CNTNAP3: variants seen among roughly 807,000 people sequenced by gnomAD.
CNTNAP3 encodes the protein contactin associated protein family member 3.
CNTNAP3 carries 36 observed loss-of-function variants against 92.1 expected under a neutral mutation model. The ratio of observed to expected loss-of-function variants is 0.39; its 90% confidence interval spans 0.30 to 0.52. The LOEUF (loss-of-function observed/expected upper bound fraction) is 0.52, where lower values mean the gene tolerates loss of function less well. Ranked by LOEUF, CNTNAP3 falls within the 20% of genes least tolerant of loss-of-function variation. The probability of loss-of-function intolerance (pLI) is 0.76; values close to 1 mark genes in which losing one functional copy is unlikely to be tolerated. For missense variants in CNTNAP3, 534 were observed against 1,069.6 expected (o/e 0.50, Z 6.98); for synonymous variants, 232 against 422.3 (o/e 0.55, Z 5.53).
intron 15 of CNTNAP3, among the ~76,000 whole-genome samples, chr9:39,108,884 G>C (rs1563880522): frequency 6.6e-6 from 1 of 152,080 alleles, no homozygotes; most frequent in African/African-American, 2.4e-5. Context: ...TCTCATGATT[G>C]TTCTGGAAAA....
At chr9:39,098,789 A>G (rs1826383688) in intron 18 of CNTNAP3, among the ~76,000 whole-genome samples, 4 of 152,162 alleles carry the variant, frequency 2.6e-5, no homozygotes, top group African/African-American at 9.7e-5. Context: ...ACACAATTTT[A>G]TAGTGATTAA....
chr9:39,159,200 C>T, intron 9 of CNTNAP3: 1 of 150,032 alleles, frequency 6.7e-6, no homozygotes, highest in Non-Finnish European at 1.5e-5. Context: ...CATGGATCAG[C>T]CTTCCCATTT....
At chr9:39,136,165 A>AT (rs1821428370) in intron 12 of CNTNAP3, among the ~76,000 whole-genome samples, 14 of 141,824 alleles carry the variant, frequency 9.9e-5, no homozygotes, top group African/African-American at 2.3e-4. Flanking sequence ...AATAATAATA[A>AT]AAATAATAGT....
chr9:39,110,781 A>G (rs1826727295), intron 14 of CNTNAP3, among the ~76,000 whole-genome samples: 1 of 152,222 alleles, frequency 6.6e-6, no homozygotes, highest in Non-Finnish European at 1.5e-5. Flanking sequence ...ATGCATATAT[A>G]ACAAAATGCT....
At chr9:39,118,836 G>C (rs1164352198) in intron 13 of CNTNAP3, among the ~76,000 whole-genome samples, 1 of 152,228 alleles carries the variant, frequency 6.6e-6, no homozygotes, top group Non-Finnish European at 1.5e-5. Context: ...CATCTCTGAG[G>C]TTAGAGATTT....
At chr9:39,249,713 G>T (rs1822803386) in intron 2 of CNTNAP3, among the ~76,000 whole-genome samples, 1 of 15,308 alleles carries the variant, frequency 6.5e-5, no homozygotes, top group African/African-American at 8.0e-5. Context: ...CAGGGGCAAA[G>T]GAGACAGATA....
intron 18 of CNTNAP3, among the ~76,000 whole-genome samples, chr9:39,099,384 T>G (rs937722096): frequency 6.6e-6 from 1 of 152,168 alleles, no homozygotes; most frequent in African/African-American, 2.4e-5. Flanking sequence ...AATATTTAAA[T>G]ATTATTTTCC....
intron 18 of CNTNAP3, among the ~76,000 whole-genome samples, chr9:39,089,734 T>C (rs1191341522): frequency 1.3e-5 from 2 of 152,098 alleles, no homozygotes; most frequent in Non-Finnish European, 2.9e-5. Context: ...TATTATTATC[T>C]TTCTTTTAAA....
chr9:39,120,537 GCGGGAGCCTGTAGTCCCAGCTACT>G (rs1820992642), intron 13 of CNTNAP3, among the ~76,000 whole-genome samples: 1 of 151,968 alleles, frequency 6.6e-6, no homozygotes, highest in South Asian at 2.1e-4. Flanking sequence ...GAGCGTAGTG[GCGGGAGCCTGTAGTCCCAGCTACT>G]CAGGAGGCTG....
At chr9:39,168,209 G>A (rs1347847580) in intron 8 of CNTNAP3, among the ~76,000 whole-genome samples, 1 of 143,982 alleles carries the variant, frequency 6.9e-6, no homozygotes, top group African/African-American at 2.5e-5. Flanking sequence ...AGTAGAGATG[G>A]GGTTTCACCG....
intron 18 of CNTNAP3, among the ~76,000 whole-genome samples, chr9:39,096,245 T>TA (rs1826322695): frequency 1.4e-5 from 2 of 138,466 alleles, no homozygotes; most frequent in African/African-American, 5.2e-5. Context: ...CCTGCACACT[T>TA]ACCTTTATTA....
At chr9:39,085,925 T>C in intron 20 of CNTNAP3, 102 bp from the exon 21 acceptor site, 3 of 1,092,508 alleles carry the variant, frequency 2.7e-6, no homozygotes, top group Non-Finnish European at 4.1e-6. Context: ...ATAAATCACT[T>C]TTAAGTACCA....
chr9:39,148,747 G>C (rs1047401046), intron 10 of CNTNAP3, among the ~76,000 whole-genome samples: 2 of 152,072 alleles, frequency 1.3e-5, no homozygotes, highest in African/African-American at 4.8e-5. Flanking sequence ...GGATGGTCTC[G>C]ATCTCCTGAC....
At chr9:39,128,336 A>C (rs1821196508) in intron 13 of CNTNAP3, among the ~76,000 whole-genome samples, 1 of 152,122 alleles carries the variant, frequency 6.6e-6, no homozygotes, top group African/African-American at 2.4e-5. Context: ...GAATGCAAAA[A>C]TATTCAATAA....
chr9:39,279,915 G>A (rs1384058057), intron 1 of CNTNAP3, among the ~76,000 whole-genome samples: 1 of 62,376 alleles, frequency 1.6e-5, no homozygotes, highest in African/African-American at 3.3e-5. Flanking sequence ...TGCACGTTGT[G>A]CACATGTACC....
intron 13 of CNTNAP3, among the ~76,000 whole-genome samples, chr9:39,126,358 T>C (rs1414989487): frequency 1.3e-5 from 2 of 152,188 alleles, no homozygotes; most frequent in African/African-American, 4.8e-5. Flanking sequence ...ACTGGTGAGT[T>C]CTATCAACAC....
intron 10 of CNTNAP3, among the ~76,000 whole-genome samples, chr9:39,145,916 C>T (rs1454041790): frequency 6.9e-6 from 1 of 144,308 alleles, no homozygotes; most frequent in Non-Finnish European, 1.5e-5. Flanking sequence ...TTCTCCCTCT[C>T]CTCCCCTTCC....
chr9:39,133,691 C>T (rs1464662395), intron 12 of CNTNAP3, among the ~76,000 whole-genome samples: 4 of 152,084 alleles, frequency 2.6e-5, no homozygotes, highest in East Asian at 1.9e-4. Flanking sequence ...ACTTTCCAGG[C>T]GGTGACCCTG....
Position 39,071,054 on chromosome 9 carries a change from G to A in CNTNAP3, c.*2836C>T, listed in dbSNP as rs1441137127. ...CTTACTAGTACTGCCTACTTGAAGA[G>A]ATTAGCTCTTACAACCTTATCTTTG... On this transcript the variant is annotated 3_prime_UTR_variant, in exon 24 of 24. Transcript: ENST00000297668. Among the ~76,000 whole-genome samples the A allele has an allele frequency of 5.9e-5, 9 of 152,242 alleles. No homozygotes were observed. Among genetic ancestry groups the A allele is most frequent in the Non-Finnish European group, 5.9e-5 (4 of 68,018 alleles).
Sources: allele counts gnomAD v4.1 joint callset (sites outside exome capture counted in the v4.1 genomes callset), GRCh38; gene constraint gnomAD v4.1.1; transcripts MANE v1.5; gene names NCBI Gene and HGNC (gene_info 2026-07-23, HGNC 2026-07-21).